The following SH2D4A variants were observed in gnomAD, a reference collection of about 807,000 sequenced individuals.
The protein encoded by SH2D4A is SH2 domain containing 4A.
Under a neutral mutation model 64.7 loss-of-function variants are expected in SH2D4A, and 70 were observed. The observed-to-expected ratio is 1.08, with a 90% CI of 0.89 to 1.32. The LOEUF is 1.32. Among genes scored for constraint, SH2D4A ranks in the 40% most tolerant of loss-of-function variants. The pLI, the probability that SH2D4A is intolerant of heterozygous loss-of-function variation, is 0.00. For missense variants in SH2D4A, 706 were observed against 540.1 expected (o/e 1.31, Z -3.04); for synonymous variants, 268 against 200.7 (o/e 1.34, Z -2.83).
intron 2 of SH2D4A, among the ~76,000 whole-genome samples, chr8:19,321,760 CAT>C (rs1205241730): frequency 9.2e-5 from 14 of 152,104 alleles, no homozygotes; most frequent in Non-Finnish European, 1.5e-4. Context: ...GTGAACATAA[CAT>C]ATATTAGTGT....
At chr8:19,350,083 A>C (rs2117252869) in intron 4 of SH2D4A, among the ~76,000 whole-genome samples, 1 of 152,200 alleles carries the variant, frequency 6.6e-6, no homozygotes, top group East Asian at 1.9e-4. Context: ...ATGTTTTTTT[A>C]ATCATGTTTT....
At chr8:19,319,225 TTC>T in intron 1 of SH2D4A, 117 bp from the exon 2 acceptor site, 1 of 705,654 alleles carries the variant, frequency 1.4e-6, no homozygotes, top group Non-Finnish European at 1.8e-6. Context: ...TTCTTCTCTT[TTC>T]TCTCTGAACT....
intron 4 of SH2D4A, among the ~76,000 whole-genome samples, chr8:19,349,202 T>C (rs2052659559): frequency 6.6e-6 from 1 of 152,218 alleles, no homozygotes; most frequent in Non-Finnish European, 1.5e-5. Flanking sequence ...TAATTGTGCA[T>C]ATCTTATTAA....
rs533809599 is a variant in SH2D4A, at chr8:19,371,908, C to A, written c.918-1622C>A. On this transcript the variant is annotated intron_variant, in intron 7 of 9. Transcript: ENST00000265807. ...TAAAATTACTTCAGTCTTTCTGCTA[C>A]ATTTCCCTGATAAATTTTTGAATTG... is the stretch of plus-strand genomic sequence containing the variant. Among the ~76,000 whole-genome samples, 28 of 152,276 alleles carry A rather than the reference C, an allele frequency of 1.8e-4. 1 individual carries two copies. Among genetic ancestry groups the A allele is most frequent in the African/African-American group, 6.0e-4 (25 of 41,562 alleles).
intron 8 of SH2D4A, among the ~76,000 whole-genome samples, chr8:19,380,590 C>T (rs952190659): frequency 2.0e-5 from 3 of 152,100 alleles, no homozygotes; most frequent in Admixed American, 6.5e-5. Flanking sequence ...CTTTCACATG[C>T]GGTTATGCAA....
chr8:19,364,210 A>G lies in SH2D4A; in HGVS notation c.845A>G (p.Lys282Arg), dbSNP rs1419743508. ...CAAAGCCCCTTGCGTGTTCCGCAGA[A>G]ACCAGAAAGACCTCCCCTTCCACCC... ...RLQSPLRVPQKPERPPLPPKP... is the reference protein window; with the variant it reads ...RLQSPLRVPQRPERPPLPPKP... The change falls in exon 7 of 10, where the codon AAA becomes AGA. Residue 282 changes from lysine to arginine, a missense_variant. Coordinates refer to ENST00000265807, the MANE Select transcript of SH2D4A (RefSeq NM_022071.4). 1.9e-6 allele frequency: 3 copies of G among 1,614,054 alleles called. No homozygotes were observed. The African/African-American group carries it at 4.0e-5, about 22-fold the overall frequency.
intron 6 of SH2D4A, among the ~76,000 whole-genome samples, chr8:19,362,840 A>G (rs780426994): frequency 1.1e-4 from 16 of 152,218 alleles, no homozygotes; most frequent in Non-Finnish European, 2.4e-4. Flanking sequence ...ATACATTTTT[A>G]AAATAAATTT....
chr8:19,387,986 T>C (rs1204220390), intron 8 of SH2D4A, among the ~76,000 whole-genome samples: 1 of 152,232 alleles, frequency 6.6e-6, no homozygotes, highest in Non-Finnish European at 1.5e-5. Flanking sequence ...GCATGAATGC[T>C]AAGCTCAGAT....
chr8:19,373,011 G>C (rs1306066807), intron 7 of SH2D4A, among the ~76,000 whole-genome samples: 4 of 151,936 alleles, frequency 2.6e-5, no homozygotes, highest in African/African-American at 9.7e-5. Context: ...CTGCTTTCCA[G>C]GAAAATGTGC....
At position 19,319,628 on chromosome 8, in the gene SH2D4A, G is replaced by A. The variant is rs1449419945; in HGVS notation, c.81G>A (p.Leu27=). Residue 27 remains leucine, a synonymous_variant, in exon 2 of 10, where the codon CTG becomes CTA. Transcript: ENST00000265807. ...AELSEEQKQI[L]FFKMREEQIR... ...TCAGCGAAGAACAGAAACAGATCCT[G>A]TTCTTCAAGATGAGAGAGGAACAGA... 12 of 1,611,170 alleles carry A rather than the reference G, an allele frequency of 7.4e-6. No individual in the cohort carries two copies. The highest frequency in any genetic ancestry group is 1.7e-5 in the Admixed American group (1 of 59,468).
chr8:19,329,340 T>C (rs764505091), intron 2 of SH2D4A, among the ~76,000 whole-genome samples: 11 of 152,334 alleles, frequency 7.2e-5, no homozygotes, highest in Non-Finnish European at 1.6e-4. Context: ...TTAGTTCTTT[T>C]TTTTAAGCAT....
At chr8:19,378,370 G>A (rs962823922) in intron 8 of SH2D4A, among the ~76,000 whole-genome samples, 3 of 152,034 alleles carry the variant, frequency 2.0e-5, no homozygotes, top group Non-Finnish European at 4.4e-5. Context: ...GAATAGACAT[G>A]GAGACTCTAT....
At position 19,322,277 on chromosome 8, in the gene SH2D4A, A is replaced by AC. The variant is rs540182033; in HGVS notation, c.181+2552dup. Among the ~76,000 whole-genome samples the AC allele has an allele frequency of 2.2e-3, 333 of 151,950 alleles. 5 individuals carry two copies. The highest frequency in any genetic ancestry group is 7.0e-3 in the African/African-American group (289 of 41,384). On this transcript the variant is annotated intron_variant, in intron 2 of 9. Transcript: ENST00000265807. ...GTGCTGCAGACCTGCTAAGCCCATG[A>AC]CCCTTGTGGGTTGACAGGTCACTCG...
At chr8:19,329,539 C>T (rs986845155) in intron 2 of SH2D4A, among the ~76,000 whole-genome samples, 5 of 152,170 alleles carry the variant, frequency 3.3e-5, no homozygotes, top group African/African-American at 4.8e-5. Context: ...AGGGACTAGA[C>T]CATCTTGTCC....
chr8:19,333,042 A>G lies in SH2D4A; in HGVS notation c.269A>G (p.Tyr90Cys). ...VMGEHHLDKPYDVLCNEIIAE... is the reference protein window; with the variant it reads ...VMGEHHLDKPCDVLCNEIIAE... ...GGCGAACACCATCTAGATAAACCCT[A>G]TGATGTGCTCTGTAATGAAATTATT... Residue 90 changes from tyrosine (Y) to cysteine (C), a missense_variant, in exon 3 of 10, where the codon TAT (tyrosine) becomes TGT (cysteine). Physicochemically the swap from Tyr to Cys is radical, Grantham distance 194. Transcript: ENST00000265807. 1.2e-6 allele frequency: 2 copies of G among 1,614,092 alleles called. No individual in the cohort carries two copies.
intron 1 of SH2D4A, among the ~76,000 whole-genome samples, chr8:19,316,199 C>T (rs904168982): frequency 8.5e-5 from 13 of 152,206 alleles, no homozygotes; most frequent in African/African-American, 2.7e-4. Flanking sequence ...AGATAGTTGT[C>T]GGCTGGGTCC....
intron 4 of SH2D4A, among the ~76,000 whole-genome samples, chr8:19,343,320 C>G (rs2052557812): frequency 6.6e-6 from 1 of 152,050 alleles, no homozygotes; most frequent in Non-Finnish European, 1.5e-5. Context: ...GTAGTTCCAG[C>G]TACTCCAGTG....
intron 8 of SH2D4A, among the ~76,000 whole-genome samples, chr8:19,391,530 G>C (rs886175807): frequency 6.6e-6 from 1 of 152,254 alleles, no homozygotes; most frequent in African/African-American, 2.4e-5. Context: ...CGAGGATGTT[G>C]ACTATCTGCA....
At chr8:19,358,425 C>A (rs2052827816) in intron 5 of SH2D4A, among the ~76,000 whole-genome samples, 2 of 152,116 alleles carry the variant, frequency 1.3e-5, no homozygotes, top group African/African-American at 4.8e-5. Context: ...TATGAGGGAA[C>A]TGAAGAATCC....
Sources: allele counts gnomAD v4.1 joint callset (sites outside exome capture counted in the v4.1 genomes callset), GRCh38; gene constraint gnomAD v4.1.1; transcripts MANE v1.5; gene names NCBI Gene and HGNC (gene_info 2026-07-23, HGNC 2026-07-21).